The following ZMYND8 variants were observed in gnomAD, a reference collection of about 807,000 sequenced individuals.
The protein encoded by ZMYND8 is zinc finger MYND-type containing 8, also known as MYND-type zinc finger-containing chromatin reader ZMYND8.
A neutral mutation model predicts 140.8 loss-of-function variants in ZMYND8; 37 were observed. The ratio of observed to expected loss-of-function variants is 0.26; its 90% CI spans 0.20 to 0.35. The LOEUF (loss-of-function observed/expected upper bound fraction) is 0.35. Among genes scored for constraint, ZMYND8 ranks in the 10% least tolerant of loss-of-function variants. The pLI is 1.00. For synonymous variants in ZMYND8, 592 were observed against 597.1 expected (o/e 0.99, Z 0.12); for missense variants, 1,068 against 1,570.0 (o/e 0.68, Z 5.40).
chr20:47,295,456 C>T (rs1224966063), intron 4 of ZMYND8, among the ~76,000 whole-genome samples: 2 of 152,192 alleles, frequency 1.3e-5, no homozygotes, highest in Non-Finnish European at 2.9e-5. Context: ...GATTACTTCA[C>T]AGGATGGGTA....
chr20:47,274,173 T>C (rs1274833543), intron 11 of ZMYND8, among the ~76,000 whole-genome samples: 1 of 152,232 alleles, frequency 6.6e-6, no homozygotes, highest in East Asian at 1.9e-4. Flanking sequence ...TGTTCTTATA[T>C]TCCTATAAAA....
At chr20:47,238,389 TATAC>T (rs1353769715) in intron 15 of ZMYND8, 7 of 333,176 alleles carry the variant, frequency 2.1e-5, no homozygotes, top group African/African-American at 1.5e-4. Flanking sequence ...TATATATACA[TATAC>T]ATGCATACAT....
chr20:47,223,847 A>G (rs1429325126), intron 19 of ZMYND8, among the ~76,000 whole-genome samples: 2 of 151,776 alleles, frequency 1.3e-5, no homozygotes, highest in Non-Finnish European at 2.9e-5. Flanking sequence ...AAAAAAGGAT[A>G]AATTCTAACT....
intron 2 of ZMYND8, among the ~76,000 whole-genome samples, chr20:47,331,772 C>A (rs1353010715): frequency 6.6e-6 from 1 of 152,184 alleles, no homozygotes; most frequent in Admixed American, 6.5e-5. Flanking sequence ...GACAGCGCAG[C>A]AGATGAGGAT....
At chr20:47,291,629 G>A (rs1329440156) in intron 6 of ZMYND8, among the ~76,000 whole-genome samples, 167 bp downstream of exon 6, 3 of 152,214 alleles carry the variant, frequency 2.0e-5, no homozygotes, top group South Asian at 2.1e-4. Context: ...AAGGAAAGAC[G>A]TTAGAGAATC....
At chr20:47,216,339 C>CA (rs1315634475) in intron 21 of ZMYND8, among the ~76,000 whole-genome samples, 1 of 151,114 alleles carries the variant, frequency 6.6e-6, no homozygotes, top group African/African-American at 2.4e-5. Flanking sequence ...ATTAAAAATA[C>CA]AAAAAATTAG....
intron 19 of ZMYND8, among the ~76,000 whole-genome samples, chr20:47,222,832 C>T (rs1288660570): frequency 6.6e-6 from 1 of 152,270 alleles, no homozygotes; most frequent in Non-Finnish European, 1.5e-5. Flanking sequence ...AGAGCAAGAG[C>T]TGGCAAGCTA....
intron 1 of ZMYND8, chr20:47,349,741 TAA>T (rs1206898158): frequency 1.4e-6 from 2 of 1,384,222 alleles, no homozygotes; most frequent in Non-Finnish European, 1.9e-6. Flanking sequence ...TGTGAAATTC[TAA>T]ACTTCTTGAA....
intron 12 of ZMYND8, among the ~76,000 whole-genome samples, chr20:47,258,803 T>C (rs2074946760): frequency 6.6e-6 from 1 of 152,080 alleles, no homozygotes; most frequent in African/African-American, 2.4e-5. Context: ...TTGCCCTGCT[T>C]GTTCTGATCT....
At chr20:47,308,100 A>T (rs1456047502) in intron 3 of ZMYND8, among the ~76,000 whole-genome samples, 1 of 148,262 alleles carries the variant, frequency 6.7e-6, no homozygotes, top group Non-Finnish European at 1.5e-5. Context: ...CCTGGGTGAC[A>T]GAGTCAGACT....
At chr20:47,212,516 C>A in intron 22 of ZMYND8, 126 bp downstream of exon 22, 2 of 1,093,474 alleles carry the variant, frequency 1.8e-6, no homozygotes, top group East Asian at 2.5e-5. Flanking sequence ...AAAGGAAGAC[C>A]CACAACTCAA....
In ZMYND8 at chr20:47,287,471, C is replaced by T. The variant is rs891183131; in HGVS notation, c.749-187G>A. Among the ~76,000 whole-genome samples, 11 of 152,112 alleles carry T rather than the reference C, an allele frequency of 7.2e-5. No individual in the cohort carries two copies. In the East Asian group the frequency reaches 7.7e-4, roughly 11 times the overall value. On this transcript the variant is annotated intron_variant, in intron 7 of 22. Transcript: ENST00000471951. ...ATGTGATTCCTCCCATCAATGTCGACGACTCTTTGGCGCCTCGATGTCATC... is the reference window on the plus strand; with the variant it reads ...ATGTGATTCCTCCCATCAATGTCGATGACTCTTTGGCGCCTCGATGTCATC...
Position 47,236,329 on chromosome 20 carries a change from G to A in ZMYND8, c.2853C>T (p.Ser951=), listed in dbSNP as rs142682694. The A allele has an allele frequency of 3.6e-4, 574 of 1,614,210 alleles. 1 individual carries two copies. Among genetic ancestry groups the A allele is most frequent in the Middle Eastern group, 5.0e-4 (3 of 6,060 alleles). Residue 951 remains serine, a synonymous_variant, in exon 16 of 23, where the codon AGC becomes AGT. Coordinates refer to ENST00000471951, the MANE Select transcript of ZMYND8 (RefSeq NM_001281775.3). ...GGTAGCTCTCCCATCCACTCACTTT[G>A]CTAGTGTACTTGGCAATATCAGCGG... ...DVAADIAKYT[S]KMMDAIKGTM...
intron 14 of ZMYND8, among the ~76,000 whole-genome samples, 185 bp downstream of exon 14, chr20:47,245,823 T>TG (rs2040502258): frequency 6.6e-6 from 1 of 152,260 alleles, no homozygotes; most frequent in Non-Finnish European, 1.5e-5. Context: ...GTCCAGGTCC[T>TG]GTTCTATGAC....
chr20:47,228,528 C>T (rs749667499), intron 17 of ZMYND8, among the ~76,000 whole-genome samples: 16 of 152,344 alleles, frequency 1.1e-4, no homozygotes, highest in Non-Finnish European at 2.2e-4. Context: ...CGTATACAAA[C>T]AAGAATGAAG....
intron 11 of ZMYND8, among the ~76,000 whole-genome samples, chr20:47,264,641 C>A (rs1164648275): frequency 6.7e-6 from 1 of 149,950 alleles, no homozygotes; most frequent in South Asian, 2.1e-4. Context: ...TGGCCTAGCA[C>A]GTGGCATGCC....
chr20:47,309,109 C>T (rs926358844), intron 3 of ZMYND8, among the ~76,000 whole-genome samples: 1 of 152,124 alleles, frequency 6.6e-6, no homozygotes, highest in African/African-American at 2.4e-5. Context: ...CTAGCCTGCC[C>T]CAGAGAATTC....
chr20:47,351,957 G>C, intron 1 of ZMYND8: 1 of 985,442 alleles, frequency 1.0e-6, no homozygotes, highest in Middle Eastern at 5.2e-4. Context: ...TGCAATGACA[G>C]GGAGAGTTTG....
intron 2 of ZMYND8, among the ~76,000 whole-genome samples, chr20:47,344,220 C>G (rs1008059597): frequency 4.0e-5 from 6 of 151,212 alleles, no homozygotes; most frequent in Middle Eastern, 3.4e-3. Context: ...TCAGATGATC[C>G]CCCCACCTTG....
Sources: allele counts gnomAD v4.1 joint callset (sites outside exome capture counted in the v4.1 genomes callset), GRCh38; gene constraint gnomAD v4.1.1; transcripts MANE v1.5; gene names NCBI Gene and HGNC (gene_info 2026-07-23, HGNC 2026-07-21).